The following EFCAB6 variants were observed in gnomAD, a reference collection of about 807,000 sequenced individuals.
EFCAB6 encodes the protein EF-hand calcium-binding domain-containing protein 6.
Under a neutral mutation model 169.8 loss-of-function variants are expected in EFCAB6, and 156 were observed. The ratio of observed to expected loss-of-function variants is 0.92; its 90% CI spans 0.81 to 1.05. The LOEUF is 1.05. Ranked by LOEUF, EFCAB6 falls within the 50% of genes least tolerant of loss-of-function variation. The pLI, the probability that EFCAB6 is intolerant of heterozygous loss-of-function variation, is 0.00. For synonymous variants in EFCAB6, 698 were observed against 676.4 expected (o/e 1.03, Z -0.50); for missense variants, 1,800 against 1,829.1 (o/e 0.98, Z 0.29).
intron 17 of EFCAB6, among the ~76,000 whole-genome samples, chr22:43,657,162 G>A (rs1347064051): frequency 1.3e-5 from 2 of 152,102 alleles, no homozygotes; most frequent in African/African-American, 4.8e-5. Context: ...AGGTGTGGTG[G>A]TATGCACCTG....
intron 8 of EFCAB6, among the ~76,000 whole-genome samples, chr22:43,722,693 T>G (rs1017472443): frequency 2.0e-5 from 3 of 152,142 alleles, no homozygotes; most frequent in Non-Finnish European, 4.4e-5. Flanking sequence ...AACGCAGCAA[T>G]CCAATTACTG....
chr22:43,659,178 G>A lies in EFCAB6; in HGVS notation c.1983+7926C>T, dbSNP rs146167607. Among the ~76,000 whole-genome samples, 305 of 152,326 alleles carry A rather than the reference G, an allele frequency of 2.0e-3. 1 individual carries two copies. The highest frequency in any genetic ancestry group is 7.1e-3 in the African/African-American group (296 of 41,570). The stretch of plus-strand genomic sequence containing the variant: ...TCTCTGGCGTTGTGTGGGTGTATCT[G>A]TGACTCTTACTGTTTGTCCCTCTTA... On this transcript the variant is annotated intron_variant, in intron 17 of 31. Coordinates refer to ENST00000262726, the MANE Select transcript of EFCAB6 (RefSeq NM_022785.4).
intron 23 of EFCAB6, among the ~76,000 whole-genome samples, chr22:43,593,718 T>G (rs2051746469): frequency 6.6e-6 from 1 of 152,172 alleles, no homozygotes; most frequent in African/African-American, 2.4e-5. Flanking sequence ...CCTTTGGAGA[T>G]TCACTCATTC....
intron 23 of EFCAB6, among the ~76,000 whole-genome samples, chr22:43,592,774 C>A (rs565819663): frequency 4.6e-5 from 7 of 152,338 alleles, no homozygotes; most frequent in Non-Finnish European, 8.8e-5. Flanking sequence ...AAAAACTGCA[C>A]ACCTCTCAAT....
chr22:43,774,271 C>A (rs1329124310), intron 3 of EFCAB6, among the ~76,000 whole-genome samples: 1 of 151,166 alleles, frequency 6.6e-6, no homozygotes, highest in Non-Finnish European at 1.5e-5. Flanking sequence ...CAACTTGAAC[C>A]CACCCAGAGG....
In EFCAB6 at chr22:43,629,079, A is replaced by T. The variant is rs868134082; in HGVS notation, c.2233-2400T>A. On this transcript the variant is annotated intron_variant, in intron 19 of 31. Transcript: ENST00000262726. ...TGTCTATCTACTAGGGAAGCAAGAC[A>T]GGAAGCAAATCATGGCAATCCAGCG... is the stretch of plus-strand genomic sequence containing the variant. Among the ~76,000 whole-genome samples the T allele has an allele frequency of 4.1e-4, 63 of 152,252 alleles. 1 individual carries two copies. Among genetic ancestry groups the T allele is most frequent in the African/African-American group, 1.5e-3 (61 of 41,460 alleles).
intron 13 of EFCAB6, among the ~76,000 whole-genome samples, chr22:43,675,989 A>G (rs1426681118): frequency 1.3e-5 from 2 of 152,188 alleles, no homozygotes; most frequent in East Asian, 3.9e-4. Flanking sequence ...TGCCCCAGTG[A>G]CAAGGACATG....
At chr22:43,760,852 G>A (rs934924166) in intron 5 of EFCAB6, among the ~76,000 whole-genome samples, 11 of 152,140 alleles carry the variant, frequency 7.2e-5, no homozygotes, top group South Asian at 2.1e-4. Flanking sequence ...TAGTAGAGAC[G>A]GGGTTTCGCC....
intron 19 of EFCAB6, among the ~76,000 whole-genome samples, chr22:43,627,678 T>A (rs2054623258): frequency 6.6e-6 from 1 of 152,140 alleles, no homozygotes; most frequent in African/African-American, 2.4e-5. Context: ...CCCGCCTCGT[T>A]CCATCGGCAC....
chr22:43,738,113 C>T (rs1404817668), intron 6 of EFCAB6, among the ~76,000 whole-genome samples: 1 of 151,336 alleles, frequency 6.6e-6, no homozygotes, highest in Non-Finnish European at 1.5e-5. Flanking sequence ...CACCATCACA[C>T]ACATATATTC....
chr22:43,530,586 C>A (rs1272804500), intron 31 of EFCAB6: 3 of 985,316 alleles, frequency 3.0e-6, no homozygotes, highest in Non-Finnish European at 3.6e-6. Flanking sequence ...AGGTATGGGG[C>A]ATCCACGCAG....
At chr22:43,603,354 C>G (rs770503611) in intron 22 of EFCAB6, among the ~76,000 whole-genome samples, 2 of 152,172 alleles carry the variant, frequency 1.3e-5, no homozygotes, top group Non-Finnish European at 2.9e-5. Flanking sequence ...TTTTAAAACA[C>G]CAACTTGCCT....
intron 26 of EFCAB6, among the ~76,000 whole-genome samples, chr22:43,575,759 C>A (rs556959288): frequency 6.6e-6 from 1 of 152,198 alleles, no homozygotes; most frequent in South Asian, 2.1e-4. Context: ...CCATTACTCA[C>A]TAGCTGGGTG....
At position 43,784,633 on chromosome 22, in the gene EFCAB6, GTATATGTACACATATATA is replaced by G. The variant is rs1569487849; in HGVS notation, c.-7-2326_-7-2309del. On this transcript the variant is annotated intron_variant, in intron 2 of 31. Transcript: ENST00000262726. ...TATGTGTATATATACACATATATAT[GTATATGTACACATATATA>G]TGTGTATATATACATATACATATAT... is the stretch of plus-strand genomic sequence containing the variant. Among the ~76,000 whole-genome samples the G allele has an allele frequency of 1.3e-3, 81 of 64,134 alleles. 8 individuals carry two copies. The highest frequency in any genetic ancestry group is 3.0e-3 in the African/African-American group (46 of 15,434). The allele number at this position is 64,134 out of a possible 152,430, so 42.1% of individuals were successfully genotyped here.
intron 26 of EFCAB6, among the ~76,000 whole-genome samples, chr22:43,560,398 T>C (rs1022626736): frequency 3.3e-5 from 5 of 152,220 alleles, no homozygotes; most frequent in South Asian, 2.1e-4. Flanking sequence ...AATATATCAA[T>C]GTACAACTAC....
intron 6 of EFCAB6, among the ~76,000 whole-genome samples, chr22:43,737,257 C>T (rs1297305786): frequency 6.6e-6 from 1 of 152,032 alleles, no homozygotes; most frequent in African/African-American, 2.4e-5. Flanking sequence ...CTGACATGGT[C>T]CACCCCATAC....
intron 20 of EFCAB6, among the ~76,000 whole-genome samples, chr22:43,622,649 G>A (rs1168867036): frequency 4.6e-5 from 7 of 152,234 alleles, no homozygotes; most frequent in Non-Finnish European, 7.4e-5. Flanking sequence ...TGGTCTTAGC[G>A]ATGTTGATTT....
intron 11 of EFCAB6, among the ~76,000 whole-genome samples, chr22:43,685,748 T>C (rs1439529976): frequency 2.0e-5 from 3 of 152,176 alleles, no homozygotes; most frequent in South Asian, 2.1e-4. Flanking sequence ...TTACCCACCA[T>C]AGGGATATGC....
intron 20 of EFCAB6, among the ~76,000 whole-genome samples, chr22:43,625,929 GC>G (rs905942049): frequency 4.1e-4 from 62 of 152,364 alleles, no homozygotes; most frequent in Middle Eastern, 3.4e-3. Flanking sequence ...GACGGGCCCA[GC>G]CTTGGACAGA....
Sources: gnomAD v4.1 joint callset for allele counts (sites outside exome capture counted in the v4.1 genomes callset) on GRCh38, gnomAD v4.1.1 for gene constraint, MANE v1.5 for transcripts, NCBI Gene and HGNC (gene_info 2026-07-23, HGNC 2026-07-21) for gene names.